The following TDRD7 variants were observed in gnomAD, a reference collection of about 807,000 sequenced individuals.
TDRD7 encodes tudor domain containing 7, also known as tudor domain-containing protein 7.
TDRD7 carries 47 observed loss-of-function variants against 109.8 expected under a neutral mutation model. That is an observed-to-expected ratio of 0.43 (90% CI 0.34 to 0.55). TDRD7 has a LOEUF of 0.55. Ranked by LOEUF, TDRD7 falls within the 20% of genes least tolerant of loss-of-function variation. The pLI is 0.03. For synonymous variants in TDRD7, 424 were observed against 457.3 expected (o/e 0.93, Z 0.93); for missense variants, 1,164 against 1,319.2 (o/e 0.88, Z 1.82).
At chr9:97,440,035 A>G (rs1828274558) in intron 5 of TDRD7, among the ~76,000 whole-genome samples, 1 of 152,130 alleles carries the variant, frequency 6.6e-6, no homozygotes, top group South Asian at 2.1e-4. Flanking sequence ...ATTCTTACTT[A>G]GTTGAAATGC....
At chr9:97,460,956 A>G (rs541791430) in intron 7 of TDRD7, among the ~76,000 whole-genome samples, 192 bp downstream of exon 7, 4 of 152,238 alleles carry the variant, frequency 2.6e-5, no homozygotes, top group African/African-American at 9.6e-5. Context: ...CCTGGCTAAC[A>G]TGGCGAAACC....
At position 97,465,005 on chromosome 9, in the gene TDRD7, T is replaced by C. The variant is rs1460294397; in HGVS notation, c.1606T>C (p.Ser536Pro). Residue 536 changes from serine (S) to proline (P), a missense_variant, in exon 8 of 17, where the codon TCA (serine) becomes CCA (proline). This residue lies in a region of TDRD7 where 261 missense variants were observed against 336.2 expected (regional missense o/e 0.78). Coordinates refer to ENST00000355295, the MANE Select transcript of TDRD7 (RefSeq NM_014290.3). The stretch of plus-strand genomic sequence containing the variant: ...CGCCTGGTTACGGGCACAGGTCATC[T>C]CAACAGAAGAGAACAAAATAAAGGC... ...EDAWLRAQVI[S>P]TEENKIKVCY... The C allele has an allele frequency of 6.2e-7, 1 of 1,614,066 alleles. No homozygotes were observed. Among genetic ancestry groups the C allele is most frequent in the Non-Finnish European group, 8.5e-7 (1 of 1,179,980 alleles).
intron 4 of TDRD7, among the ~76,000 whole-genome samples, chr9:97,433,137 G>C (rs1828133797): frequency 6.6e-6 from 1 of 152,086 alleles, no homozygotes; most frequent in Admixed American, 6.6e-5. Flanking sequence ...CTTTAAATCA[G>C]TGTTCAAAAA....
chr9:97,463,233 A>T (rs1220102241), intron 7 of TDRD7, among the ~76,000 whole-genome samples: 1 of 151,586 alleles, frequency 6.6e-6, no homozygotes, highest in African/African-American at 2.4e-5. Flanking sequence ...CACAGCAGTG[A>T]AACCCTGTCT....
intron 1 of TDRD7, among the ~76,000 whole-genome samples, chr9:97,413,130 A>G (rs185266599): frequency 7.4e-4 from 112 of 152,216 alleles, no homozygotes; most frequent in African/African-American, 2.6e-3. Flanking sequence ...CCTCCTACCA[A>G]CACCTCTCTG....
intron 13 of TDRD7, 184 bp downstream of exon 13, chr9:97,478,757 T>C (rs866195633): frequency 6.7e-6 from 5 of 744,428 alleles, no homozygotes; most frequent in Admixed American, 2.1e-5. Context: ...AGACCAGTCA[T>C]ATTTACATAC....
chr9:97,413,963 A>C (rs1251477206), intron 1 of TDRD7, among the ~76,000 whole-genome samples: 15 of 152,222 alleles, frequency 9.9e-5, no homozygotes, highest in Admixed American at 9.8e-4. Flanking sequence ...GTGCAATATA[A>C]TCTAGCTGGA....
At chr9:97,472,158 A>G in intron 9 of TDRD7, 135 bp from the exon 10 acceptor site, 1 of 782,634 alleles carries the variant, frequency 1.3e-6, no homozygotes, top group Non-Finnish European at 2.1e-6. Flanking sequence ...TGTAAAACAA[A>G]GCTTTCATAT....
In TDRD7 at chr9:97,495,780, G is replaced by A. The variant is rs139433258; in HGVS notation, c.3194G>A (p.Arg1065Gln). ...TVIENANPWD[R>Q]KVVVYLVDTS... ...ATTGAAAATGCTAACCCTTGGGACCGGAAAGTAGTGGTCTACTTAGTGGAC... is the reference window on the plus strand; with the variant it reads ...ATTGAAAATGCTAACCCTTGGGACCAGAAAGTAGTGGTCTACTTAGTGGAC... Residue 1065 changes from arginine to glutamine, a missense_variant, in exon 17 of 17, where the codon CGG (arginine) becomes CAG (glutamine). Physicochemically the swap from Arg to Gln is conservative, Grantham distance 43. Transcript: ENST00000355295. 24 of 1,614,006 alleles carry A rather than the reference G, an allele frequency of 1.5e-5. No homozygotes were observed. The highest frequency in any genetic ancestry group is 1.1e-4 in the East Asian group (5 of 44,890).
intron 16 of TDRD7, among the ~76,000 whole-genome samples, chr9:97,493,492 A>G (rs2131189701): frequency 6.6e-6 from 1 of 152,258 alleles, no homozygotes; most frequent in East Asian, 1.9e-4. Context: ...CACAAGGCAA[A>G]TGGAGGCAGG....
rs1828304954 is a variant in TDRD7 at position 97,441,548 on chromosome 9, C to T, written c.638-110C>T. On this transcript the variant is annotated intron_variant, in intron 5 of 16. Coordinates refer to ENST00000355295, the MANE Select transcript of TDRD7 (RefSeq NM_014290.3). The stretch of plus-strand genomic sequence containing the variant: ...TCCTGCTCCCTTCTAAGTCCTTTGG[C>T]TACCACAAGCCCACACTATAGCAAA... 8 of 962,666 alleles carry T rather than the reference C, an allele frequency of 8.3e-6. No homozygotes were observed. The South Asian group carries it at 1.2e-4, about 14-fold the overall frequency. 59.6% of individuals were successfully genotyped at this position (962,666 alleles called of 1,614,324 possible).
At chr9:97,480,783 A>G (rs753451284) in intron 13 of TDRD7, 45 bp from the exon 14 acceptor site, 1 of 1,474,742 alleles carries the variant, frequency 6.8e-7, no homozygotes, top group Non-Finnish European at 9.5e-7. Context: ...ATAACTAGGT[A>G]TTTTAACATG....
chr9:97,433,059 A>C (rs1394343425), intron 4 of TDRD7, among the ~76,000 whole-genome samples: 6 of 152,200 alleles, frequency 3.9e-5, no homozygotes, highest in Non-Finnish European at 8.8e-5. Flanking sequence ...CCTGATGTAG[A>C]TGCATCAAGA....
rs765748626 is a variant in TDRD7 at position 97,441,767 on chromosome 9, C to T, written c.747C>T (p.Asn249=). Residue 249 remains asparagine, a synonymous_variant, in exon 6 of 17, where the codon AAC becomes AAT. Coordinates refer to ENST00000355295, the MANE Select transcript of TDRD7 (RefSeq NM_014290.3). The part of the protein sequence containing the change: ...NRIKEILNKH[N]NGIWISKLPH... ...TAAAGGAAATACTAAACAAGCATAA[C>T]AATGGCATTTGGATATCTAAGCTTC... is the stretch of plus-strand genomic sequence containing the variant. 2.5e-6 allele frequency: 4 copies of T among 1,613,626 alleles called. No homozygotes were observed. Among genetic ancestry groups the T allele is most frequent in the Non-Finnish European group, 3.4e-6 (4 of 1,179,716 alleles).
At chr9:97,463,266 G>A (rs1191921441) in intron 7 of TDRD7, among the ~76,000 whole-genome samples, 2 of 151,766 alleles carry the variant, frequency 1.3e-5, no homozygotes, top group Non-Finnish European at 2.9e-5. Flanking sequence ...TAAACTATAA[G>A]AGTATGGCAA....
chr9:97,432,385 C>G (rs1828120172), intron 4 of TDRD7, 147 bp downstream of exon 4: 3 of 729,820 alleles, frequency 4.1e-6, no homozygotes, highest in Non-Finnish European at 7.2e-6. Flanking sequence ...AAGTTCACTT[C>G]TAGCTGCCTG....
chr9:97,490,358 T>A (rs927641727), intron 16 of TDRD7, among the ~76,000 whole-genome samples: 8 of 152,180 alleles, frequency 5.3e-5, no homozygotes, highest in African/African-American at 1.7e-4. Context: ...GGTTTTTTCC[T>A]TTCAACCCTC....
intron 8 of TDRD7, 98 bp downstream of exon 8, chr9:97,465,126 A>T: frequency 7.0e-7 from 1 of 1,419,132 alleles, no homozygotes; most frequent in South Asian, 1.3e-5. Flanking sequence ...TAAATGTTGT[A>T]TCCTATAATT....
intron 15 of TDRD7, among the ~76,000 whole-genome samples, chr9:97,484,809 A>C (rs1229603158): frequency 6.6e-6 from 1 of 152,202 alleles, no homozygotes; most frequent in Non-Finnish European, 1.5e-5. Context: ...TCACAGTTAA[A>C]AACCAAACTA....
Sources: gnomAD v4.1 joint callset for allele counts (sites outside exome capture counted in the v4.1 genomes callset) on GRCh38, gnomAD v4.1.1 for gene constraint, gnomAD v4.1.1 regional missense constraint, MANE v1.5 for transcripts, NCBI Gene and HGNC (gene_info 2026-07-23, HGNC 2026-07-21) for gene names.